Variants in ZNF26 observed in about 807,000 individuals in gnomAD.
The protein encoded by ZNF26 is zinc finger protein 26, also known as epididymis luminal protein 179.
A neutral mutation model predicts 54.9 loss-of-function variants in ZNF26; 32 were observed. That is an observed-to-expected ratio of 0.58 (90% CI 0.44 to 0.78). The LOEUF (loss-of-function observed/expected upper bound fraction) is 0.78, where lower values mean the gene tolerates loss of function less well. ZNF26 is among the 30% of genes least tolerant of loss of function. ZNF26 has a pLI of 0.00. For synonymous variants in ZNF26, 221 were observed against 209.2 expected (o/e 1.06, Z -0.49); for missense variants, 524 against 634.0 (o/e 0.83, Z 1.86).
intron 1 of ZNF26, among the ~76,000 whole-genome samples, chr12:133,002,961 T>C (rs1213109421): frequency 1.3e-5 from 2 of 152,122 alleles, no homozygotes; most frequent in African/African-American, 4.8e-5. Context: ...CCTGGCATGT[T>C]AGGTAGTCAT....
chr12:132,989,734 C>T (rs1952906786), intron 1 of ZNF26, among the ~76,000 whole-genome samples: 1 of 152,166 alleles, frequency 6.6e-6, no homozygotes, highest in South Asian at 2.1e-4. Context: ...CAGGGATTCT[C>T]ATCCTGTATT....
At chr12:132,988,761 C>T (rs1952882708) in intron 1 of ZNF26, among the ~76,000 whole-genome samples, 1 of 152,132 alleles carries the variant, frequency 6.6e-6, no homozygotes, top group Admixed American at 6.5e-5. Flanking sequence ...TATCCATGAA[C>T]ATGTTATATC....
rs1159901091 is a variant in ZNF26 at position 133,024,818 on chromosome 12, CTTA to C, written c.*13341_*13343del. 3 of 152,096 alleles carry C rather than the reference CTTA, an allele frequency of 2.0e-5. No individual in the cohort carries two copies. Among genetic ancestry groups the C allele is most frequent in the East Asian group, 1.9e-4 (1 of 5,194 alleles). The allele number at this position is 152,096 out of a possible 1,614,324, so 9.4% of individuals were successfully genotyped here. ...ACTGAGAGCCCATAGTAGAGAAAGT[CTTA>C]TTAAGAGATTTTTGGGGTGTGGCTT... On this transcript the variant is annotated 3_prime_UTR_variant, in exon 4 of 4. Transcript: ENST00000328654.
At chr12:132,997,850 G>A (rs1401554423) in intron 1 of ZNF26, among the ~76,000 whole-genome samples, 23 of 152,188 alleles carry the variant, frequency 1.5e-4, no homozygotes, top group African/African-American at 5.1e-4. Flanking sequence ...AACCTGTTCC[G>A]TTAATGGGCC....
rs926628567 is a variant in ZNF26, at chr12:133,020,800, C to G, written c.*9319C>G. The G allele has an allele frequency of 6.6e-6, 1 of 152,182 alleles. No individual in the cohort carries two copies. Among genetic ancestry groups the G allele is most frequent in the Non-Finnish European group, 1.5e-5 (1 of 68,050 alleles). 9.4% of individuals were successfully genotyped at this position (152,182 alleles called of 1,614,324 possible). A position where few individuals can be genotyped will look rare whatever the true frequency, so the allele number is the denominator to read the frequency against. On this transcript the variant is annotated 3_prime_UTR_variant, in exon 4 of 4. Transcript: ENST00000328654. ...GAGGGCTCTGAGGGAAGGATCTGTT[C>G]CAGGCCTCTCTCCTTGGCTTGTAGA... is the stretch of plus-strand genomic sequence containing the variant.
Position 133,010,055 on chromosome 12 carries a change from A to G in ZNF26, c.257-81A>G, listed in dbSNP as rs930125587. ...TTACCAAAAGAGAAAGGTTGATTAC[A>G]TCACAGTCCTAATACTGTTTAATTC... On this transcript the variant is annotated intron_variant, in intron 3 of 3. Transcript: ENST00000328654. 3.6e-6 allele frequency: 5 copies of G among 1,393,584 alleles called. No homozygotes were observed. The African/African-American group carries it at 5.8e-5, about 16-fold the overall frequency. 86.3% of individuals were successfully genotyped at this position (1,393,584 alleles called of 1,614,324 possible).
rs1953659150 is a variant in ZNF26 at position 133,022,644 on chromosome 12, C to A, written c.*11163C>A. On this transcript the variant is annotated 3_prime_UTR_variant, in exon 4 of 4. Coordinates refer to ENST00000328654, the MANE Select transcript of ZNF26 (RefSeq NM_019591.4). ...TACTCTAGGTGAAACTATCTCAATACAAATTTAATTAAAACAAAATAAATC... is the reference window on the plus strand; with the variant it reads ...TACTCTAGGTGAAACTATCTCAATAAAAATTTAATTAAAACAAAATAAATC... The A allele has an allele frequency of 6.6e-6, 1 of 151,676 alleles. No individual in the cohort carries two copies. The highest frequency in any genetic ancestry group is 1.5e-5 in the Non-Finnish European group (1 of 68,000). The allele number at this position is 151,676 out of a possible 1,614,324, so 9.4% of individuals were successfully genotyped here. A position where few individuals can be genotyped will look rare whatever the true frequency, so the allele number is the denominator to read the frequency against.
At position 133,013,410 on chromosome 12, in the gene ZNF26, T is replaced by C. The variant is rs1274534583; in HGVS notation, c.*1929T>C. On this transcript the variant is annotated 3_prime_UTR_variant, in exon 4 of 4. Coordinates refer to ENST00000328654, the MANE Select transcript of ZNF26 (RefSeq NM_019591.4). ...ATGTAAACATGTGTTGAAAAAGTTA[T>C]CCTCACCCTTCCCCCCCTCAAAAAG... 6.5e-6 allele frequency: 1 copy of C among 152,678 alleles called. No homozygotes were observed. The highest frequency in any genetic ancestry group is 2.4e-5 in the African/African-American group (1 of 41,460). The allele number at this position is 152,678 out of a possible 1,614,324, so 9.5% of individuals were successfully genotyped here. A position where few individuals can be genotyped will look rare whatever the true frequency, so the allele number is the denominator to read the frequency against.
Position 133,010,470 on chromosome 12 carries a change from A to C in ZNF26, c.591A>C (p.Thr197=). The C allele has an allele frequency of 1.2e-6, 2 of 1,614,172 alleles. No individual in the cohort carries two copies. The highest frequency in any genetic ancestry group is 1.7e-6 in the Non-Finnish European group (2 of 1,180,014). ...TCATTGTACATCTCAGAATTCATAC[A>C]GGAGAGAGACCTTATGAATGCAGTA... ...SQLIVHLRIH[T]GERPYECSKC... The change falls in exon 4 of 4, where the codon ACA becomes ACC. Residue 197 remains threonine, a synonymous_variant. Transcript: ENST00000328654.
In ZNF26 at chr12:133,001,989, C is replaced by T. The variant is rs1413357955; in HGVS notation, c.34-5053C>T. ...ACAGTCCCCTTTTCTTAGAGCCCCT[C>T]CTGTTTGAGAGGATGGATACCCGCT... On this transcript the variant is annotated intron_variant, in intron 1 of 3. Coordinates refer to ENST00000328654, the MANE Select transcript of ZNF26 (RefSeq NM_019591.4). This position sits in a 1 kb window ranked among gnomAD's most constrained non-coding sequence, Gnocchi z 4.7. Among the ~76,000 whole-genome samples the T allele has an allele frequency of 1.3e-5, 2 of 152,096 alleles. No individual in the cohort carries two copies. The highest frequency in any genetic ancestry group is 2.9e-5 in the Non-Finnish European group (2 of 68,028).
intron 1 of ZNF26, among the ~76,000 whole-genome samples, chr12:132,991,873 C>T (rs1354764309): frequency 6.6e-6 from 1 of 152,130 alleles, no homozygotes; most frequent in Non-Finnish European, 1.5e-5. Context: ...TGTGGCCGGG[C>T]CTGGCGGCTC....
Position 133,010,305 on chromosome 12 carries a change from C to T in ZNF26, c.426C>T (p.Ser142=), listed in dbSNP as rs1412961671. 6 of 1,613,616 alleles carry T rather than the reference C, an allele frequency of 3.7e-6. No homozygotes were observed. The highest frequency in any genetic ancestry group is 2.2e-5 in the East Asian group (1 of 44,864). The change falls in exon 4 of 4, where the codon AGC becomes AGT. Residue 142 remains serine (S), a synonymous_variant. Coordinates refer to ENST00000328654, the MANE Select transcript of ZNF26 (RefSeq NM_019591.4). ...GTTTGACACAAAACTCAGCTCCAAG[C>T]AGAAGTTATTTAAGAAAGAATCCTG... The part of the protein sequence containing the change: ...GKSLTQNSAP[S]RSYLRKNPDK...
rs372403040 is a variant in ZNF26 at position 132,998,369 on chromosome 12, G to A, written c.34-8673G>A. On this transcript the variant is annotated intron_variant, in intron 1 of 3. Coordinates refer to ENST00000328654, the MANE Select transcript of ZNF26 (RefSeq NM_019591.4). ...TTTAGTAGACATAGGGTTTCACCAT[G>A]TTGGTCAGGCTGGTCTCAAACTTCT... is the stretch of plus-strand genomic sequence containing the variant. 5.9e-5 allele frequency among the ~76,000 whole-genome samples: 9 copies of A among 152,096 alleles called. No individual in the cohort carries two copies. In the South Asian group the frequency reaches 1.5e-3, roughly 25 times the overall value.
At chr12:133,005,713 G>A (rs2137248589) in intron 1 of ZNF26, 1 of 152,326 alleles carries the variant, frequency 6.6e-6, no homozygotes, top group South Asian at 2.1e-4. Flanking sequence ...TAAAAGGATA[G>A]GAAGAGAGAC....
chr12:132,988,222 T>G (rs1952869147), intron 1 of ZNF26, among the ~76,000 whole-genome samples: 1 of 150,728 alleles, frequency 6.6e-6, no homozygotes, highest in Admixed American at 6.7e-5. Flanking sequence ...TTGCCCAGGC[T>G]GGTCTTTATA....
At chr12:133,008,791 A>AG (rs1177721062) in intron 3 of ZNF26, among the ~76,000 whole-genome samples, 4 of 151,752 alleles carry the variant, frequency 2.6e-5, no homozygotes, top group African/African-American at 9.7e-5. Context: ...AAAAAAAAAA[A>AG]AAAAGAAAAA....
chr12:133,003,729 C>G (rs1032432168), intron 1 of ZNF26, among the ~76,000 whole-genome samples: 1 of 152,134 alleles, frequency 6.6e-6, no homozygotes, highest in East Asian at 1.9e-4. Flanking sequence ...AATCTTACAA[C>G]TTTGTAGGTG....
chr12:133,006,842 C>T (rs747770048), intron 1 of ZNF26, 200 bp from the exon 2 acceptor site: 3 of 589,050 alleles, frequency 5.1e-6, no homozygotes, highest in Non-Finnish European at 9.0e-6. Context: ...ATCCACCCGC[C>T]TTGGCCTCCG....
Position 133,024,023 on chromosome 12 carries a change from T to TC in ZNF26, c.*12543dup, listed in dbSNP as rs1356034066. Reference sequence around the variant, plus strand: ...TGACCCAGAACGGCTCAGTCAGACCTCTCCTGAATCCCTGACAAACAGGAA... The same window carrying TC: ...TGACCCAGAACGGCTCAGTCAGACCTCCTCCTGAATCCCTGACAAACAGGAA... On this transcript the variant is annotated 3_prime_UTR_variant, in exon 4 of 4. Transcript: ENST00000328654. 3.3e-5 allele frequency: 5 copies of TC among 152,196 alleles called. No individual in the cohort carries two copies. Among genetic ancestry groups the TC allele is most frequent in the African/African-American group, 1.2e-4 (5 of 41,448 alleles). The allele number at this position is 152,196 out of a possible 1,614,324, so 9.4% of individuals were successfully genotyped here. A position where few individuals can be genotyped will look rare whatever the true frequency, so the allele number is the denominator to read the frequency against.
Sources: gnomAD v4.1 joint callset for allele counts (sites outside exome capture counted in the v4.1 genomes callset) on GRCh38, gnomAD v4.1.1 for gene constraint, Gnocchi (gnomAD v3.1) non-coding constraint, MANE v1.5 for transcripts, NCBI Gene and HGNC (gene_info 2026-07-23, HGNC 2026-07-21) for gene names.